The following DGKB variants were observed in gnomAD, a reference collection of about 807,000 sequenced individuals.
DGKB encodes the protein diacylglycerol kinase beta.
DGKB carries 67 observed loss-of-function variants against 114.3 expected under a neutral mutation model. That is an observed-to-expected ratio of 0.59 (90% confidence interval 0.48 to 0.72). The LOEUF (loss-of-function observed/expected upper bound fraction) is 0.72, where lower values mean the gene tolerates loss of function less well. Ranked by LOEUF, DGKB falls within the 30% of genes least tolerant of loss-of-function variation. The pLI is 0.00. For missense variants in DGKB, 907 were observed against 975.2 expected (o/e 0.93, Z 0.93); for synonymous variants, 398 against 323.1 (o/e 1.23, Z -2.49).
chr7:14,308,291 T>C (rs1804812066), intron 23 of DGKB, among the ~76,000 whole-genome samples: 1 of 152,080 alleles, frequency 6.6e-6, no homozygotes, highest in African/African-American at 2.4e-5. Context: ...ATTTGGACAT[T>C]TTCATTATTT....
intron 20 of DGKB, among the ~76,000 whole-genome samples, chr7:14,560,952 G>C (rs970418028): frequency 2.0e-4 from 31 of 152,038 alleles, no homozygotes; most frequent in African/African-American, 7.5e-4. Flanking sequence ...TAATAATATT[G>C]AGCATTTAGA....
intron 2 of DGKB, among the ~76,000 whole-genome samples, chr7:14,784,069 T>G (rs1270650629): frequency 2.6e-5 from 4 of 152,168 alleles, no homozygotes. Context: ...TGCTTTTAAT[T>G]TTTTAAACAT....
chr7:14,310,245 T>C (rs970613481), intron 23 of DGKB, among the ~76,000 whole-genome samples: 1 of 152,152 alleles, frequency 6.6e-6, no homozygotes, highest in Non-Finnish European at 1.5e-5. Flanking sequence ...ATCAGTATTG[T>C]TGAGAAGCTC....
chr7:14,336,903 G>A (rs1044103301), intron 23 of DGKB, among the ~76,000 whole-genome samples: 2 of 152,084 alleles, frequency 1.3e-5, no homozygotes, highest in Admixed American at 6.6e-5. Context: ...TATAAGTATC[G>A]GGAATGTGTA....
chr7:14,373,754 T>C (rs554978848), intron 21 of DGKB, among the ~76,000 whole-genome samples: 1 of 152,168 alleles, frequency 6.6e-6, no homozygotes, highest in Non-Finnish European at 1.5e-5. Context: ...TAGTTCTTCC[T>C]TGAGTGGTAC....
At chr7:14,297,615 T>A (rs1006189329) in intron 23 of DGKB, among the ~76,000 whole-genome samples, 2 of 151,922 alleles carry the variant, frequency 1.3e-5, no homozygotes, top group Non-Finnish European at 2.9e-5. Flanking sequence ...ATGGGCAAAA[T>A]CTGGAAGCAT....
intron 18 of DGKB, among the ~76,000 whole-genome samples, chr7:14,581,546 A>G (rs1481376193): frequency 6.6e-6 from 1 of 152,200 alleles, no homozygotes; most frequent in African/African-American, 2.4e-5. Flanking sequence ...TAATCTTTAC[A>G]TCACATAATG....
chr7:14,675,587 T>C (rs1819710823), intron 12 of DGKB, among the ~76,000 whole-genome samples: 2 of 151,622 alleles, frequency 1.3e-5, no homozygotes, highest in African/African-American at 4.8e-5. Flanking sequence ...TCCATGAAAT[T>C]CTGGTCTTTG....
intron 13 of DGKB, among the ~76,000 whole-genome samples, chr7:14,662,580 C>G (rs1218173340): frequency 6.6e-6 from 1 of 151,812 alleles, no homozygotes; most frequent in Non-Finnish European, 1.5e-5. Flanking sequence ...TGAAAAGATG[C>G]TAGACAAAAA....
chr7:14,849,835 G>C (rs1046331001), intron 1 of DGKB, among the ~76,000 whole-genome samples: 1 of 152,152 alleles, frequency 6.6e-6, no homozygotes, highest in Non-Finnish European at 1.5e-5. Context: ...AAGAGGCACA[G>C]AGCCTCAAGA....
intron 23 of DGKB, among the ~76,000 whole-genome samples, chr7:14,215,370 C>T (rs528120924): frequency 6.6e-6 from 1 of 152,008 alleles, no homozygotes; most frequent in South Asian, 2.1e-4. Context: ...TATAAAGTGC[C>T]CCACAAAATG....
At chr7:14,969,000 C>T (rs1338222402) in intron 1 of DGKB, among the ~76,000 whole-genome samples, 4 of 152,020 alleles carry the variant, frequency 2.6e-5, no homozygotes, top group Non-Finnish European at 5.9e-5. Context: ...ACTGGTTTTC[C>T]AGTCTGTCAT....
Position 14,698,077 on chromosome 7 carries a change from A to T in DGKB, c.591+18T>A. Reference sequence around the variant, plus strand: ...CCTTCCAGAATTTAGCCAATAGTGAAATCATTCATATACCTACTGGATTAA... The same window carrying T: ...CCTTCCAGAATTTAGCCAATAGTGATATCATTCATATACCTACTGGATTAA... On this transcript the variant is annotated intron_variant, in intron 8 of 25. Transcript: ENST00000402815. The T allele has an allele frequency of 6.9e-7, 1 of 1,445,242 alleles. No homozygotes were observed. The highest frequency in any genetic ancestry group is 9.5e-7 in the Non-Finnish European group (1 of 1,050,704). 89.5% of individuals were successfully genotyped at this position (1,445,242 alleles called of 1,614,324 possible).
intron 1 of DGKB, among the ~76,000 whole-genome samples, chr7:14,856,338 T>C (rs1457511452): frequency 6.6e-6 from 1 of 152,166 alleles, no homozygotes; most frequent in Non-Finnish European, 1.5e-5. Flanking sequence ...AATAAAAGTA[T>C]ACAACTATGA....
At chr7:14,380,541 G>A (rs1362488545) in intron 21 of DGKB, among the ~76,000 whole-genome samples, 1 of 151,868 alleles carries the variant, frequency 6.6e-6, no homozygotes, top group Non-Finnish European at 1.5e-5. Context: ...TGTTCAAATA[G>A]GATATATACC....
chr7:14,560,477 G>T (rs560906510), intron 20 of DGKB, among the ~76,000 whole-genome samples: 4 of 152,112 alleles, frequency 2.6e-5, no homozygotes, highest in African/African-American at 9.6e-5. Context: ...TTCTGTGGTG[G>T]GTTTATTTCA....
At chr7:14,831,890 A>G (rs1846462748) in intron 2 of DGKB, among the ~76,000 whole-genome samples, 3 of 152,112 alleles carry the variant, frequency 2.0e-5, no homozygotes, top group Admixed American at 1.3e-4. Flanking sequence ...TCAGACCACT[A>G]TAAGCAGAAG....
chr7:14,832,643 G>T (rs960309160), intron 2 of DGKB, among the ~76,000 whole-genome samples: 1 of 151,944 alleles, frequency 6.6e-6, no homozygotes, highest in Non-Finnish European at 1.5e-5. Flanking sequence ...TTTGGATTGT[G>T]GAATACTTTC....
chr7:14,493,437 T>A (rs897032157), intron 20 of DGKB, among the ~76,000 whole-genome samples: 12 of 152,100 alleles, frequency 7.9e-5, no homozygotes, highest in Non-Finnish European at 2.9e-5. Flanking sequence ...ACATATACTG[T>A]AATAAAAGTT....
Sources: gnomAD v4.1 joint callset for allele counts (sites outside exome capture counted in the v4.1 genomes callset) on GRCh38, gnomAD v4.1.1 for gene constraint, MANE v1.5 for transcripts, NCBI Gene and HGNC (gene_info 2026-07-23, HGNC 2026-07-21) for gene names.